LMBRD1: variants seen among roughly 807,000 people sequenced by gnomAD.
LMBRD1 encodes the protein LMBR1 domain containing 1.
A neutral mutation model predicts 74.8 loss-of-function variants in LMBRD1; 64 were observed. That is an observed-to-expected ratio of 0.86 (90% confidence interval 0.70 to 1.05). LMBRD1 has a LOEUF of 1.05. LMBRD1 is among the 50% of genes least tolerant of loss of function. The pLI is 0.00. For synonymous variants in LMBRD1, 204 were observed against 216.3 expected (o/e 0.94, Z 0.50); for missense variants, 652 against 645.9 (o/e 1.01, Z -0.10).
chr6:69,781,359 AG>A, intron 2 of LMBRD1, among the ~76,000 whole-genome samples: 1 of 152,206 alleles, frequency 6.6e-6, no homozygotes, highest in Non-Finnish European at 1.5e-5. Flanking sequence ...GAGAATCTAA[AG>A]GACTTATCAC....
intron 3 of LMBRD1, among the ~76,000 whole-genome samples, chr6:69,772,043 G>GA (rs781446394): frequency 1.3e-5 from 2 of 151,804 alleles, no homozygotes; most frequent in African/African-American, 2.4e-5. Flanking sequence ...CTATCCACAA[G>GA]AAAAAAAACC....
intron 2 of LMBRD1, among the ~76,000 whole-genome samples, chr6:69,787,243 AT>A (rs1005250872): frequency 6.6e-6 from 1 of 152,172 alleles, no homozygotes; most frequent in African/African-American, 2.4e-5. Flanking sequence ...GTTTTCAAAA[AT>A]TTTTTCAGTA....
At chr6:69,698,382 G>A (rs1318907225) in intron 13 of LMBRD1, among the ~76,000 whole-genome samples, 2 of 151,928 alleles carry the variant, frequency 1.3e-5, no homozygotes, top group Non-Finnish European at 2.9e-5. Context: ...CTAAAGCAAT[G>A]CTTGATCAGG....
chr6:69,769,231 A>C (rs1327965884), intron 3 of LMBRD1, among the ~76,000 whole-genome samples: 2 of 152,144 alleles, frequency 1.3e-5, no homozygotes, highest in African/African-American at 4.8e-5. Flanking sequence ...AGATTAGATC[A>C]TCTACCTTTG....
At chr6:69,768,298 A>G (rs942428695) in intron 3 of LMBRD1, among the ~76,000 whole-genome samples, 1 of 151,792 alleles carries the variant, frequency 6.6e-6, no homozygotes, top group African/African-American at 2.4e-5. Flanking sequence ...TAGTTTCTAC[A>G]TTACCAATTC....
chr6:69,743,009 A>G (rs1462296058), intron 5 of LMBRD1, among the ~76,000 whole-genome samples: 1 of 152,196 alleles, frequency 6.6e-6, no homozygotes, highest in Non-Finnish European at 1.5e-5. Flanking sequence ...AAATGTAGAA[A>G]GTTTATTATT....
At chr6:69,773,080 G>A (rs1765608693) in intron 3 of LMBRD1, among the ~76,000 whole-genome samples, 1 of 152,154 alleles carries the variant, frequency 6.6e-6, no homozygotes, top group Admixed American at 6.5e-5. Context: ...TCTAGGAGTT[G>A]TAAACCCTAC....
At chr6:69,709,934 T>A (rs1484859563) in intron 9 of LMBRD1, among the ~76,000 whole-genome samples, 1 of 152,158 alleles carries the variant, frequency 6.6e-6, no homozygotes, top group African/African-American at 2.4e-5. Flanking sequence ...AATATATCAA[T>A]TCTCCCCCAA....
At chr6:69,676,674 T>C in intron 14 of LMBRD1, 133 bp from the exon 15 acceptor site, 2 of 758,888 alleles carry the variant, frequency 2.6e-6, no homozygotes, top group South Asian at 3.0e-5. Flanking sequence ...GAGATGGTAC[T>C]GAAACTTAGG....
chr6:69,780,117 C>CTTT (rs34490213), intron 3 of LMBRD1, among the ~76,000 whole-genome samples: 35 of 115,258 alleles, frequency 3.0e-4, no homozygotes, highest in African/African-American at 9.8e-4. Flanking sequence ...TGGGAGGGTC[C>CTTT]TTTTTTTTTT....
In LMBRD1 at chr6:69,699,144, GAA is replaced by G; in HGVS notation, c.1235_1236del (p.Phe412SerfsTer13). 1 of 1,611,576 alleles carries G rather than the reference GAA, an allele frequency of 6.2e-7. No homozygotes were observed. Among genetic ancestry groups the G allele is most frequent in the Non-Finnish European group, 8.5e-7 (1 of 1,178,072 alleles). ...ACAATAAGCAGAAGTATCATGCAGA[GAA>G]AAAGGAGTGCTTGGGGCCTGGTTCT... ...RGRTRPQALLFLCMILLLIVL... is the reference protein window; with the variant it reads ...RGRTRPQALLXLCMILLLIVL... On this transcript the variant is annotated frameshift_variant, in exon 13 of 16. Transcript: ENST00000649934. LOFTEE classifies it high-confidence loss of function.
At chr6:69,688,890 T>C (rs1765822290) in intron 14 of LMBRD1, among the ~76,000 whole-genome samples, 1 of 152,128 alleles carries the variant, frequency 6.6e-6, no homozygotes, top group Admixed American at 6.6e-5. Flanking sequence ...TGTCAAAACA[T>C]ACAAAGTTAG....
chr6:69,698,617 A>C (rs1463221590), intron 13 of LMBRD1, among the ~76,000 whole-genome samples: 2 of 151,968 alleles, frequency 1.3e-5, no homozygotes, highest in African/African-American at 2.4e-5. Context: ...TGTTAAAAGA[A>C]TGTATAGTTA....
Position 69,790,384 on chromosome 6 carries a change from G to C in LMBRD1, c.158C>G (p.Ser53Cys). 1 of 1,613,696 alleles carries C rather than the reference G, an allele frequency of 6.2e-7. No homozygotes were observed. The highest frequency in any genetic ancestry group is 1.1e-5 in the South Asian group (1 of 91,072). Residue 53 changes from serine to cysteine, a missense_variant, in exon 2 of 16, where the codon TCT becomes TGT. By Grantham distance (112) the Ser-to-Cys change is moderately radical. This residue lies in a region of LMBRD1 where 598 missense variants were observed against 581.8 expected (regional missense o/e 1.03). Transcript: ENST00000649934. ...TGATGTGATAAGTGCAATTGCTAGAGAAAAAATTGCTGTTATGGTGGAGAC... is the reference window on the plus strand; with the variant it reads ...TGATGTGATAAGTGCAATTGCTAGACAAAAAATTGCTGTTATGGTGGAGAC... Reference protein sequence around the residue: ...EVVSTITAIFSLAIALITSAL... With the variant: ...EVVSTITAIFCLAIALITSAL...
intron 3 of LMBRD1, among the ~76,000 whole-genome samples, chr6:69,759,055 A>C (rs1404763210): frequency 1.3e-5 from 2 of 152,186 alleles, no homozygotes; most frequent in African/African-American, 4.8e-5. Flanking sequence ...TTCATCCTAC[A>C]GTGGAAGTAC....
At chr6:69,791,839 G>A (rs1212940426) in intron 1 of LMBRD1, among the ~76,000 whole-genome samples, 33 of 152,144 alleles carry the variant, frequency 2.2e-4, no homozygotes, top group Non-Finnish European at 1.5e-5. Flanking sequence ...AAATTCCAGA[G>A]AGCAGTTTTC....
chr6:69,766,666 T>G (rs757152470), intron 3 of LMBRD1, among the ~76,000 whole-genome samples: 1 of 151,828 alleles, frequency 6.6e-6, no homozygotes, highest in Non-Finnish European at 1.5e-5. Context: ...CTCAAGTGAG[T>G]TGGGAAGTGT....
intron 5 of LMBRD1, among the ~76,000 whole-genome samples, chr6:69,744,848 CT>C (rs200677579): frequency 1.7e-3 from 243 of 145,340 alleles, no homozygotes; most frequent in Middle Eastern, 3.5e-3. Flanking sequence ...TGCTGTAACT[CT>C]TTTTTTTTTT....
chr6:69,766,383 G>A (rs1161198338), intron 3 of LMBRD1, among the ~76,000 whole-genome samples: 1 of 151,836 alleles, frequency 6.6e-6, no homozygotes, highest in Non-Finnish European at 1.5e-5. Flanking sequence ...ATCGATACTG[G>A]AATTTTTTTT....
Sources: gnomAD v4.1 joint callset for allele counts (sites outside exome capture counted in the v4.1 genomes callset) on GRCh38, gnomAD v4.1.1 for gene constraint, gnomAD v4.1.1 regional missense constraint, MANE v1.5 for transcripts, NCBI Gene and HGNC (gene_info 2026-07-23, HGNC 2026-07-21) for gene names.